PEX14: variants seen among roughly 807,000 people sequenced by gnomAD.
PEX14 encodes peroxisomal biogenesis factor 14.
PEX14 carries 15 observed loss-of-function variants against 49.5 expected under a neutral mutation model. That is an observed-to-expected ratio of 0.30 (90% CI 0.20 to 0.47). PEX14 has a LOEUF of 0.47. Among genes scored for constraint, PEX14 ranks in the 20% least tolerant of loss-of-function variants. The probability of loss-of-function intolerance (pLI) is 1.00; values close to 1 mark genes in which losing one functional copy is unlikely to be tolerated. For missense variants in PEX14, 398 were observed against 494.8 expected (o/e 0.80, Z 1.86); for synonymous variants, 210 against 212.7 (o/e 0.99, Z 0.11).
At chr1:10,588,169 G>A (rs1325462534) in intron 3 of PEX14, among the ~76,000 whole-genome samples, 5 of 151,670 alleles carry the variant, frequency 3.3e-5, no homozygotes, top group Non-Finnish European at 7.4e-5. Flanking sequence ...GCAGTGAGCC[G>A]AGATTGCACC....
intron 3 of PEX14, among the ~76,000 whole-genome samples, chr1:10,544,330 C>A (rs1007217360): frequency 6.6e-6 from 1 of 152,066 alleles, no homozygotes; most frequent in East Asian, 1.9e-4. Flanking sequence ...TGAGCTAATA[C>A]ATGGCAGAAG....
At chr1:10,626,057 C>T (rs1004429970) in intron 7 of PEX14, among the ~76,000 whole-genome samples, 2 of 152,338 alleles carry the variant, frequency 1.3e-5, no homozygotes, top group South Asian at 2.1e-4. Flanking sequence ...CAAACTCCTA[C>T]TGGAGCACTG....
At position 10,629,484 on chromosome 1, in the gene PEX14, G is replaced by C. The variant is rs764819566; in HGVS notation, c.678-47G>C. The C allele has an allele frequency of 7.3e-7, 1 of 1,362,038 alleles. No individual in the cohort carries two copies. Among genetic ancestry groups the C allele is most frequent in the Admixed American group, 1.7e-5 (1 of 59,610 alleles). 84.4% of individuals were successfully genotyped at this position (1,362,038 alleles called of 1,614,324 possible). ...GGAAGGCGTGGCCCTTCGAAGGGGG[G>C]CGTCCTGAATGCCGCCACCAACCTC... On this transcript the variant is annotated intron_variant, in intron 8 of 8. Coordinates refer to ENST00000356607, the MANE Select transcript of PEX14 (RefSeq NM_004565.3). This position sits in a 1 kb window ranked among gnomAD's most constrained non-coding sequence, Gnocchi z 8.5.
intron 3 of PEX14, among the ~76,000 whole-genome samples, chr1:10,575,399 A>G (rs1046247360): frequency 2.0e-5 from 3 of 152,254 alleles, no homozygotes; most frequent in Non-Finnish European, 4.4e-5. Flanking sequence ...AACTTGTTAT[A>G]TATAAATAAA....
chr1:10,525,851 C>T lies in PEX14; in HGVS notation c.85-10362C>T, dbSNP rs558463194. On this transcript the variant is annotated intron_variant, in intron 2 of 8. Transcript: ENST00000356607. ...AAATTGGCCAGGCTGATCTCGAACT[C>T]TTGACCTTGTGATCCGCCCGCCTTG... Among the ~76,000 whole-genome samples, 10 of 151,824 alleles carry T rather than the reference C, an allele frequency of 6.6e-5. 2 individuals carry two copies. The highest frequency in any genetic ancestry group is 2.4e-4 in the African/African-American group (10 of 41,392).
At chr1:10,485,913 G>A (rs897503919) in intron 1 of PEX14, among the ~76,000 whole-genome samples, 6 of 148,782 alleles carry the variant, frequency 4.0e-5, no homozygotes, top group South Asian at 2.1e-4. Flanking sequence ...CCGCCACCAC[G>A]CCTGGCTAAT....
intron 2 of PEX14, among the ~76,000 whole-genome samples, chr1:10,503,408 G>A (rs1641722331): frequency 6.6e-6 from 1 of 151,094 alleles, no homozygotes; most frequent in South Asian, 2.1e-4. Context: ...TCAAACTGGG[G>A]GCTTTTAGAT....
intron 3 of PEX14, among the ~76,000 whole-genome samples, chr1:10,555,392 C>T (rs967637273): frequency 7.3e-5 from 11 of 151,632 alleles, no homozygotes; most frequent in Non-Finnish European, 1.2e-4. Context: ...GGGAAAATGA[C>T]GGAGGAAAAC....
intron 1 of PEX14, among the ~76,000 whole-genome samples, chr1:10,481,480 C>T (rs2124371643): frequency 6.6e-6 from 1 of 152,102 alleles, no homozygotes; most frequent in South Asian, 2.1e-4. Flanking sequence ...CTTACTCTGT[C>T]ACCCAGTCTG....
At chr1:10,521,109 TTTTG>T (rs1209259609) in intron 2 of PEX14, among the ~76,000 whole-genome samples, 1 of 152,018 alleles carries the variant, frequency 6.6e-6, no homozygotes, top group African/African-American at 2.4e-5. Flanking sequence ...CTCTTCCTGT[TTTTG>T]TTTTTCTTCT....
intron 3 of PEX14, among the ~76,000 whole-genome samples, chr1:10,543,173 C>T (rs190003673): frequency 4.8e-4 from 73 of 152,308 alleles, no homozygotes; most frequent in Admixed American, 3.9e-3. Context: ...CTCGCTCTGT[C>T]GCCCAGGGTG....
chr1:10,485,124 T>C (rs1641345254), intron 1 of PEX14, among the ~76,000 whole-genome samples: 1 of 151,576 alleles, frequency 6.6e-6, no homozygotes, highest in Non-Finnish European at 1.5e-5. Context: ...CTGTGAGTAT[T>C]TGTGTATGTG....
chr1:10,533,264 T>C (rs1638700911), intron 2 of PEX14, among the ~76,000 whole-genome samples: 1 of 152,148 alleles, frequency 6.6e-6, no homozygotes, highest in African/African-American at 2.4e-5. Context: ...GTGATTTGCC[T>C]GTCGCCTGCA....
At chr1:10,600,979 A>G (rs968984980) in intron 4 of PEX14, among the ~76,000 whole-genome samples, 1 of 149,860 alleles carries the variant, frequency 6.7e-6, no homozygotes, top group African/African-American at 2.5e-5. Context: ...AAAAACAGAC[A>G]GGCCGGGCGC....
intron 3 of PEX14, among the ~76,000 whole-genome samples, chr1:10,582,078 C>G (rs1005808052): frequency 6.6e-6 from 1 of 151,852 alleles, no homozygotes; most frequent in Admixed American, 6.6e-5. Context: ...AGTTCATAGA[C>G]ATTTTAATTT....
chr1:10,521,909 T>C (rs1638310721), intron 2 of PEX14, among the ~76,000 whole-genome samples: 1 of 152,220 alleles, frequency 6.6e-6, no homozygotes, highest in Non-Finnish European at 1.5e-5. Context: ...TCTATTAGTC[T>C]TAAAGCAGAG....
chr1:10,525,451 G>A (rs1010839177), intron 2 of PEX14, among the ~76,000 whole-genome samples: 3 of 152,190 alleles, frequency 2.0e-5, no homozygotes, highest in South Asian at 2.1e-4. Flanking sequence ...ATTAGATACC[G>A]CTTTTTTAGA....
Position 10,629,706 on chromosome 1 carries a change from G to GGCTCCACGGTCA in PEX14, c.854_865dup (p.Val288_Thr289insSerSerThrVal). ...TGGGAAGGAGGGCCACAGCCCCGAG[G>GGCTCCACGGTCA]GCTCCACGGTCACCTACCACTTGCT... On this transcript the variant is annotated inframe_insertion, in exon 9 of 9. Coordinates refer to ENST00000356607, the MANE Select transcript of PEX14 (RefSeq NM_004565.3). The surrounding 1 kb of genome is among the most constrained non-coding windows in gnomAD (Gnocchi z 8.5). 6.2e-7 allele frequency: 1 copy of GGCTCCACGGTCA among 1,610,268 alleles called. No homozygotes were observed. Among genetic ancestry groups the GGCTCCACGGTCA allele is most frequent in the Non-Finnish European group, 8.5e-7 (1 of 1,178,324 alleles).
intron 7 of PEX14, among the ~76,000 whole-genome samples, 195 bp downstream of exon 7, chr1:10,624,632 G>A (rs1641693048): frequency 6.6e-6 from 1 of 152,186 alleles, no homozygotes; most frequent in Non-Finnish European, 1.5e-5. Flanking sequence ...CAGTCAGTGT[G>A]ACGTTTAACT....
Sources: gnomAD v4.1 joint callset for allele counts (sites outside exome capture counted in the v4.1 genomes callset) on GRCh38, gnomAD v4.1.1 for gene constraint, Gnocchi (gnomAD v3.1) non-coding constraint, MANE v1.5 for transcripts, NCBI Gene and HGNC (gene_info 2026-07-23, HGNC 2026-07-21) for gene names.